Variants in SYNE1 observed in about 807,000 individuals in gnomAD.
The protein encoded by SYNE1 is nesprin-1.
In SYNE1, 616 loss-of-function variants were observed where a neutral mutation model predicts 1,111.0. The ratio of observed to expected loss-of-function variants is 0.55; its 90% confidence interval spans 0.52 to 0.59. SYNE1 has a LOEUF of 0.59. Ranked by LOEUF, SYNE1 falls within the 20% of genes least tolerant of loss-of-function variation. The pLI, the probability that SYNE1 is intolerant of heterozygous loss-of-function variation, is 0.00. For missense variants in SYNE1, 10,006 were observed against 10,417.0 expected, an observed-to-expected ratio of 0.96 and a Z score of 1.72; for synonymous variants, 3,855 against 3,825.8, an observed-to-expected ratio of 1.01 and a Z score of -0.28.
At chr6:152,475,097 A>G (rs2098827397) in intron 14 of SYNE1, among the ~76,000 whole-genome samples, 1 of 152,220 alleles carries the variant, frequency 6.6e-6, no homozygotes, top group Non-Finnish European at 1.5e-5. Context: ...TTTTTACAAA[A>G]GATACACCTA....
intron 75 of SYNE1, among the ~76,000 whole-genome samples, chr6:152,337,592 CTCT>C (rs2096429956): frequency 6.6e-6 from 1 of 152,166 alleles, no homozygotes; most frequent in South Asian, 2.1e-4. Flanking sequence ...CCCAGCGAAA[CTCT>C]AATAAGTTTT....
At chr6:152,599,702 TG>T (rs2099591587) in intron 3 of SYNE1, among the ~76,000 whole-genome samples, 1 of 152,224 alleles carries the variant, frequency 6.6e-6, no homozygotes. Flanking sequence ...TAAAATCCAT[TG>T]GCCAGATTCA....
chr6:152,532,577 T>C (rs1050779533), intron 4 of SYNE1, among the ~76,000 whole-genome samples: 4 of 152,108 alleles, frequency 2.6e-5, no homozygotes, highest in African/African-American at 9.7e-5. Flanking sequence ...ACAGTCAGGG[T>C]TGCTGAACAG....
chr6:152,494,107 C>T (rs925545397), intron 11 of SYNE1, among the ~76,000 whole-genome samples: 1 of 152,168 alleles, frequency 6.6e-6, no homozygotes, highest in Non-Finnish European at 1.5e-5. Context: ...TCTGAGCTGG[C>T]CTTCATGTCT....
intron 2 of SYNE1, 21 bp from the exon 3 acceptor site, chr6:152,628,575 G>T (rs112976809): frequency 3.8e-6 from 2 of 521,954 alleles, no homozygotes; most frequent in Non-Finnish European, 3.4e-6. Context: ...AAAAAGAAAA[G>T]GTACAACATA....
chr6:152,212,939 T>C (rs2077802949), intron 123 of SYNE1, among the ~76,000 whole-genome samples: 1 of 152,218 alleles, frequency 6.6e-6, no homozygotes, highest in Non-Finnish European at 1.5e-5. Context: ...TAAAAAATTC[T>C]GAATTAAGTT....
chr6:152,321,940 T>A, intron 82 of SYNE1, 54 bp from the exon 83 acceptor site: 1 of 1,601,886 alleles, frequency 6.2e-7, no homozygotes. Context: ...AACCCCCTAA[T>A]ACTTGGCAAC....
chr6:152,380,796 C>T (rs2097398934), intron 56 of SYNE1, among the ~76,000 whole-genome samples: 2 of 152,096 alleles, frequency 1.3e-5, no homozygotes, highest in Admixed American at 6.5e-5. Context: ...TTTCCTACCG[C>T]AAATAATAAC....
intron 3 of SYNE1, among the ~76,000 whole-genome samples, chr6:152,545,730 A>G (rs1272910425): frequency 6.6e-6 from 1 of 152,196 alleles, no homozygotes; most frequent in African/African-American, 2.4e-5. Context: ...ATAGGTTATG[A>G]TAAACTTTTT....
chr6:152,300,932 T>C, intron 92 of SYNE1, 151 bp from the exon 93 acceptor site: 2 of 1,105,336 alleles, frequency 1.8e-6, no homozygotes, highest in Non-Finnish European at 1.3e-6. Context: ...TGTGTTAGTA[T>C]TTAAAAGTTC....
At chr6:152,512,860 G>A (rs966409442) in intron 6 of SYNE1, among the ~76,000 whole-genome samples, 4 of 152,158 alleles carry the variant, frequency 2.6e-5, no homozygotes, top group Middle Eastern at 3.2e-3. Context: ...AGGAGGGTAG[G>A]ATGGGCAATA....
intron 3 of SYNE1, among the ~76,000 whole-genome samples, chr6:152,563,758 A>T (rs1183869884): frequency 6.6e-6 from 1 of 152,230 alleles, no homozygotes. Flanking sequence ...CATTTTTTAG[A>T]TCACTATTAC....
At chr6:152,387,464 G>A in intron 53 of SYNE1, 83 bp from the exon 54 acceptor site, 1 of 1,418,480 alleles carries the variant, frequency 7.0e-7, no homozygotes, top group African/African-American at 1.4e-5. Context: ...TGACATCCAT[G>A]CCAATTGTTT....
intron 5 of SYNE1, among the ~76,000 whole-genome samples, chr6:152,523,144 T>G (rs2154351094): frequency 6.6e-6 from 1 of 152,128 alleles, no homozygotes; most frequent in South Asian, 2.1e-4. Context: ...TGTCTAGAGA[T>G]TTTCTTCTAG....
At chr6:152,217,876 C>A (rs2079122975) in intron 121 of SYNE1, among the ~76,000 whole-genome samples, 1 of 152,116 alleles carries the variant, frequency 6.6e-6, no homozygotes, top group Non-Finnish European at 1.5e-5. Flanking sequence ...TCACTGGGGG[C>A]TCACTCGAAA....
In SYNE1 at chr6:152,416,875, C is replaced by T; in HGVS notation, c.5562G>A (p.Glu1854=). The T allele has an allele frequency of 2.5e-6, 4 of 1,613,960 alleles. No individual in the cohort carries two copies. The highest frequency in any genetic ancestry group is 3.4e-6 in the Non-Finnish European group (4 of 1,179,838). ...GCCTCTCCACAACCTGGCTGGCCTCCTCAAACAGCTGGAAGCAGTCCTCAG... is the reference window on the plus strand; with the variant it reads ...GCCTCTCCACAACCTGGCTGGCCTCTTCAAACAGCTGGAAGCAGTCCTCAG... ...GKAEDCFQLF[E]EASQVVERRQ... Residue 1854 remains glutamate (E), a synonymous_variant, in exon 41 of 146, where the codon GAG becomes GAA. Coordinates refer to ENST00000367255, the MANE Select transcript of SYNE1 (RefSeq NM_182961.4).
At position 152,148,916 on chromosome 6, in the gene SYNE1, T is replaced by C. The variant is rs2059961097; in HGVS notation, c.24643-538A>G. ...TTAGCTTGTCCTTATAGCCCAGATATAAAATAGGTTTGATCGTAGAAGATT... is the reference window on the plus strand; with the variant it reads ...TTAGCTTGTCCTTATAGCCCAGATACAAAATAGGTTTGATCGTAGAAGATT... On this transcript the variant is annotated intron_variant, in intron 136 of 145. Coordinates refer to ENST00000367255, the MANE Select transcript of SYNE1 (RefSeq NM_182961.4). The surrounding 1 kb of genome is among the most constrained non-coding windows in gnomAD (Gnocchi z 4.1). Among the ~76,000 whole-genome samples the C allele has an allele frequency of 6.6e-6, 1 of 152,134 alleles. No homozygotes were observed. The highest frequency in any genetic ancestry group is 1.5e-5 in the Non-Finnish European group (1 of 68,034).
At chr6:152,333,557 T>C (rs2096300234) in intron 77 of SYNE1, among the ~76,000 whole-genome samples, 2 of 152,206 alleles carry the variant, frequency 1.3e-5, no homozygotes, top group African/African-American at 4.8e-5. Context: ...TATATCCATT[T>C]GAAAACGTTA....
At chr6:152,531,312 C>T (rs924494950) in intron 4 of SYNE1, among the ~76,000 whole-genome samples, 45 of 151,982 alleles carry the variant, frequency 3.0e-4, no homozygotes, top group African/African-American at 1.0e-3. Flanking sequence ...ACAAAAGTTA[C>T]GGCCAGAGTA....
Sources: gnomAD v4.1 joint callset for allele counts (sites outside exome capture counted in the v4.1 genomes callset) on GRCh38, gnomAD v4.1.1 for gene constraint, Gnocchi (gnomAD v3.1) non-coding constraint, MANE v1.5 for transcripts, NCBI Gene and HGNC (gene_info 2026-07-23, HGNC 2026-07-21) for gene names.